ANKRD36: variants seen among roughly 807,000 people sequenced by gnomAD.
ANKRD36 encodes ankyrin repeat domain 36, also known as ankyrin repeat domain-containing protein 36A.
ANKRD36 carries 179 observed loss-of-function variants against 278.1 expected under a neutral mutation model. The ratio of observed to expected loss-of-function variants is 0.64; its 90% CI spans 0.57 to 0.73. The LOEUF (loss-of-function observed/expected upper bound fraction) is 0.73, where lower values mean the gene tolerates loss of function less well. Ranked by LOEUF, ANKRD36 falls within the 30% of genes least tolerant of loss-of-function variation. The probability of loss-of-function intolerance (pLI) is 0.00; values close to 1 mark genes in which losing one functional copy is unlikely to be tolerated. For missense variants in ANKRD36, 1,159 were observed against 1,956.7 expected (o/e 0.59, Z 7.69); for synonymous variants, 320 against 641.1 (o/e 0.50, Z 7.57).
At chr2:97,175,761 T>C (rs2054054825) in intron 22 of ANKRD36, among the ~76,000 whole-genome samples, 1 of 149,454 alleles carries the variant, frequency 6.7e-6, no homozygotes, top group Admixed American at 6.7e-5. Flanking sequence ...TGTGGGCACT[T>C]AGTGCTATAA....
chr2:97,122,809 T>A, intron 3 of ANKRD36, 78 bp from the exon 4 acceptor site: 1 of 1,342,282 alleles, frequency 7.4e-7, no homozygotes, highest in Non-Finnish European at 1.0e-6. Flanking sequence ...GCTCACAGGA[T>A]CTTACTTACA....
intron 68 of ANKRD36, among the ~76,000 whole-genome samples, chr2:97,235,021 G>A (rs2073298192): frequency 6.9e-6 from 1 of 145,858 alleles, no homozygotes; most frequent in Non-Finnish European, 1.5e-5. Context: ...TAATCATAAT[G>A]AAATCCAATT....
rs2057820992 is a variant in ANKRD36, at chr2:97,188,171, A to G, written c.2143+770A>G. 1.1e-4 allele frequency among the ~76,000 whole-genome samples: 17 copies of G among 151,854 alleles called. 2 individuals carry two copies. In the South Asian group the frequency reaches 3.6e-3, roughly 32 times the overall value. Reference sequence around the variant, plus strand: ...CATTGGCTTCCTTGTTCAAGGAGCTACCTCTTGGATAAAATAGCTATTTCA... The same window carrying G: ...CATTGGCTTCCTTGTTCAAGGAGCTGCCTCTTGGATAAAATAGCTATTTCA... On this transcript the variant is annotated intron_variant, in intron 32 of 75. Coordinates refer to ENST00000420699, the MANE Select transcript of ANKRD36 (RefSeq NM_001354587.1).
chr2:97,216,014 C>A (rs2065842711), intron 62 of ANKRD36, among the ~76,000 whole-genome samples: 1 of 151,790 alleles, frequency 6.6e-6, no homozygotes, highest in African/African-American at 2.4e-5. Context: ...TTTGGGGTTT[C>A]TGTTGAGGAA....
At chr2:97,169,115 A>G (rs926549661) in intron 22 of ANKRD36, among the ~76,000 whole-genome samples, 2 of 152,308 alleles carry the variant, frequency 1.3e-5, no homozygotes, top group Admixed American at 6.5e-5. Flanking sequence ...CCTCTCCAGC[A>G]TCTGTTGTTT....
At chr2:97,196,187 A>G (rs1313827412) in intron 40 of ANKRD36, among the ~76,000 whole-genome samples, 7 of 151,970 alleles carry the variant, frequency 4.6e-5, no homozygotes, top group African/African-American at 9.7e-5. Context: ...TGTTTGTAGT[A>G]TAAAGGTGTA....
chr2:97,149,333 CAG>C lies in ANKRD36; in HGVS notation c.1077_1078del (p.Asn360Ter), dbSNP rs781015840. The C allele has an allele frequency of 2.6e-6, 4 of 1,533,920 alleles. No homozygotes were observed. In the South Asian group the frequency reaches 4.8e-5, roughly 18 times the overall value. On this transcript the variant is annotated frameshift_variant, in exon 12 of 76. Coordinates refer to ENST00000420699, the MANE Select transcript of ANKRD36 (RefSeq NM_001354587.1). LOFTEE classifies it high-confidence loss of function. ...CCTGATGCTGTTGCACAGCCTGTGACAGAGAATGAGTTTTCTTTGGAATCTGA... is the reference window on the plus strand; with the variant it reads ...CCTGATGCTGTTGCACAGCCTGTGACAGAATGAGTTTTCTTTGGAATCTGA...
At chr2:97,114,483 ATCAC>A (rs1463440318) in intron 1 of ANKRD36, among the ~76,000 whole-genome samples, 5 of 131,562 alleles carry the variant, frequency 3.8e-5, no homozygotes, top group South Asian at 2.9e-4. Context: ...CTGGTTTCCA[ATCAC>A]TCACCATGCT....
intron 52 of ANKRD36, among the ~76,000 whole-genome samples, chr2:97,206,469 G>T (rs186154527): frequency 1.3e-5 from 2 of 151,408 alleles, no homozygotes; most frequent in East Asian, 3.9e-4. Flanking sequence ...AGGAAGTATC[G>T]ATTTTACAGA....
intron 28 of ANKRD36, among the ~76,000 whole-genome samples, 151 bp downstream of exon 28, chr2:97,183,805 C>T (rs992816972): frequency 2.0e-5 from 3 of 151,662 alleles, no homozygotes; most frequent in African/African-American, 4.8e-5. Context: ...TCAGGTGGTG[C>T]TGATGCTGCT....
chr2:97,179,916 G>T lies in ANKRD36; in HGVS notation c.1718G>T (p.Gly573Val). 2 of 1,605,716 alleles carry T rather than the reference G, an allele frequency of 1.2e-6. No homozygotes were observed. The highest frequency in any genetic ancestry group is 1.7e-6 in the Non-Finnish European group (2 of 1,178,274). The change falls in exon 24 of 76, where the codon GGA (glycine) becomes GTA (valine). Residue 573 changes from glycine (G) to valine (V), a missense_variant. Transcript: ENST00000420699. ...AATATAGCCACAGAAATAAAGGAGGGACCAATATCTGGGACAGGTAATTTT... is the reference window on the plus strand; with the variant it reads ...AATATAGCCACAGAAATAAAGGAGGTACCAATATCTGGGACAGGTAATTTT... ...VSNIATEIKE[G>V]PISGTVSSQK...
At chr2:97,222,747 T>C (rs2068114296) in intron 66 of ANKRD36, among the ~76,000 whole-genome samples, 1 of 152,118 alleles carries the variant, frequency 6.6e-6, no homozygotes, top group South Asian at 2.1e-4. Flanking sequence ...ATTAAGAGGC[T>C]TTCCTCTTCA....
At chr2:97,202,153 CT>C (rs754268303) in intron 46 of ANKRD36, 48 bp from the exon 47 acceptor site, 1 of 1,605,644 alleles carries the variant, frequency 6.2e-7, no homozygotes, top group Non-Finnish European at 8.5e-7. Context: ...GTATGGAAAT[CT>C]TTGTCATATT....
chr2:97,130,017 G>T (rs1392387666), intron 6 of ANKRD36, among the ~76,000 whole-genome samples: 1 of 152,020 alleles, frequency 6.6e-6, no homozygotes, highest in Non-Finnish European at 1.5e-5. Flanking sequence ...GAAAGTCATT[G>T]TTAGCTTGAT....
intron 14 of ANKRD36, among the ~76,000 whole-genome samples, chr2:97,153,710 G>T (rs1189898129): frequency 4.1e-5 from 6 of 147,532 alleles, no homozygotes; most frequent in Admixed American, 6.7e-5. Flanking sequence ...GATGAGAATT[G>T]AATGAGCTGT....
At chr2:97,145,620 C>T (rs1053303959) in intron 10 of ANKRD36, among the ~76,000 whole-genome samples, 3 of 151,832 alleles carry the variant, frequency 2.0e-5, no homozygotes, top group African/African-American at 7.3e-5. Context: ...GAGTGATTTC[C>T]AAATGGAAAA....
chr2:97,191,036 T>C lies in ANKRD36; in HGVS notation c.2274+30T>C. On this transcript the variant is annotated intron_variant, in intron 35 of 75. Coordinates refer to ENST00000420699, the MANE Select transcript of ANKRD36 (RefSeq NM_001354587.1). ...TTAAACTCTCATTTATATTGTGAAC[T>C]AGTAAATCTATAGTCTATGAAATAT... 3.7e-6 allele frequency: 6 copies of C among 1,603,888 alleles called. 1 individual carries two copies. Among genetic ancestry groups the C allele is most frequent in the South Asian group, 2.2e-5 (2 of 90,308 alleles).
chr2:97,169,637 G>A (rs1297470807), intron 22 of ANKRD36, among the ~76,000 whole-genome samples: 10 of 152,056 alleles, frequency 6.6e-5, no homozygotes, highest in African/African-American at 1.9e-4. Flanking sequence ...CCTATACACC[G>A]ATAAAAGACA....
intron 22 of ANKRD36, among the ~76,000 whole-genome samples, chr2:97,168,759 C>T (rs1204770770): frequency 4.0e-5 from 6 of 151,768 alleles, no homozygotes; most frequent in East Asian, 3.9e-4. Flanking sequence ...TTTCAGGCTT[C>T]ATCCATGTCT....
Sources: allele counts gnomAD v4.1 joint callset (sites outside exome capture counted in the v4.1 genomes callset), GRCh38; gene constraint gnomAD v4.1.1; transcripts MANE v1.5; gene names NCBI Gene and HGNC (gene_info 2026-07-23, HGNC 2026-07-21).